SLC18A2: variants seen among roughly 807,000 people sequenced by gnomAD.
The protein encoded by SLC18A2 is solute carrier family 18 member A2, also known as synaptic vesicular amine transporter.
SLC18A2 carries 33 observed loss-of-function variants against 59.2 expected under a neutral mutation model. The observed-to-expected ratio is 0.56, with a 90% CI of 0.42 to 0.75. The LOEUF (loss-of-function observed/expected upper bound fraction) is 0.75. SLC18A2 is among the 30% of genes least tolerant of loss of function. The pLI, the probability that SLC18A2 is intolerant of heterozygous loss-of-function variation, is 0.00. For missense variants in SLC18A2, 569 were observed against 668.6 expected (o/e 0.85, Z 1.64); for synonymous variants, 228 against 253.5 (o/e 0.90, Z 0.95).
intron 3 of SLC18A2, 82 bp from the exon 4 acceptor site, chr10:117,253,317 G>T: frequency 7.9e-6 from 8 of 1,011,842 alleles, no homozygotes; most frequent in Non-Finnish European, 1.3e-5. Flanking sequence ...TGATCCCAAA[G>T]GGTAGCCAGG....
intron 15 of SLC18A2, among the ~76,000 whole-genome samples, chr10:117,273,544 GCT>G (rs1565010280): frequency 6.6e-6 from 1 of 152,206 alleles, no homozygotes; most frequent in Non-Finnish European, 1.5e-5. Flanking sequence ...TCCAGCAATA[GCT>G]CTGTTTTCTG....
chr10:117,251,830 C>T (rs1167538922), intron 3 of SLC18A2, among the ~76,000 whole-genome samples: 1 of 152,158 alleles, frequency 6.6e-6, no homozygotes, highest in Non-Finnish European at 1.5e-5. Flanking sequence ...GATATCATGC[C>T]TCAGTTTCCT....
rs1011759304 is a variant in SLC18A2, at chr10:117,279,188, T to C, written c.*1922T>C. On this transcript the variant is annotated 3_prime_UTR_variant, in exon 16 of 16. Transcript: ENST00000644641. ...GGGAAAAAAATTCTAAGTTCTTTTA[T>C]ATGACTAATATTCTTGGTTAGCAAG... is the stretch of plus-strand genomic sequence containing the variant. 1 of 152,208 alleles carries C rather than the reference T, an allele frequency of 6.6e-6. No homozygotes were observed. The highest frequency in any genetic ancestry group is 1.9e-4 in the East Asian group (1 of 5,200). The allele number at this position is 152,208 out of a possible 1,614,324, so 9.4% of individuals were successfully genotyped here.
chr10:117,272,639 A>G (rs1844440300), intron 15 of SLC18A2, among the ~76,000 whole-genome samples: 1 of 152,238 alleles, frequency 6.6e-6, no homozygotes, highest in Non-Finnish European at 1.5e-5. Context: ...ATAGGTTTCC[A>G]GGAAGCCACT....
In SLC18A2 at chr10:117,277,837, T is replaced by G. The variant is rs555179259; in HGVS notation, c.*571T>G. 1 of 152,356 alleles carries G rather than the reference T, an allele frequency of 6.6e-6. No individual in the cohort carries two copies. The highest frequency in any genetic ancestry group is 2.4e-5 in the African/African-American group (1 of 41,592). The allele number at this position is 152,356 out of a possible 1,614,324, so 9.4% of individuals were successfully genotyped here. On this transcript the variant is annotated 3_prime_UTR_variant, in exon 16 of 16. Coordinates refer to ENST00000644641, the MANE Select transcript of SLC18A2 (RefSeq NM_003054.6). ...AGGACAAGAACTTGTGTCAGTTATC[T>G]TTTGAATCCATAAATCTTAGCTGGC...
Position 117,254,141 on chromosome 10 carries a change from G to C in SLC18A2, c.607+10G>C. On this transcript the variant is annotated intron_variant, in intron 5 of 15. Coordinates refer to ENST00000644641, the MANE Select transcript of SLC18A2 (RefSeq NM_003054.6). ...TGCTCCTCTGTGGCTGGTAGGTGTG[G>C]AATGCCTGAGTGAGTTCGTGAGGGG... is the stretch of plus-strand genomic sequence containing the variant. The C allele has an allele frequency of 6.2e-7, 1 of 1,613,026 alleles. No individual in the cohort carries two copies. The highest frequency in any genetic ancestry group is 8.5e-7 in the Non-Finnish European group (1 of 1,179,834).
chr10:117,252,134 ATT>A lies in SLC18A2; in HGVS notation c.465-1237_465-1236del, dbSNP rs57101171. On this transcript the variant is annotated intron_variant, in intron 3 of 15. Transcript: ENST00000644641. Reference sequence around the variant, plus strand: ...CTACTATGCCTGACTCATTTTTTGTATTTTTTTTTTTTTTTTTTTTTTTTTTT... The same window carrying A: ...CTACTATGCCTGACTCATTTTTTGTATTTTTTTTTTTTTTTTTTTTTTTTT... Among the ~76,000 whole-genome samples, 109 of 44,342 alleles carry A rather than the reference ATT, an allele frequency of 2.5e-3. 1 individual carries two copies. Among genetic ancestry groups the A allele is most frequent in the African/African-American group, 4.2e-3 (60 of 14,268 alleles). 29.1% of individuals were successfully genotyped at this position (44,342 alleles called of 152,430 possible).
intron 9 of SLC18A2, among the ~76,000 whole-genome samples, chr10:117,256,821 T>A (rs550062736): frequency 6.6e-6 from 1 of 152,292 alleles, no homozygotes; most frequent in African/African-American, 2.4e-5. Context: ...GAAATGTGAC[T>A]TCCTGAACCT....
At chr10:117,251,905 A>G (rs910053676) in intron 3 of SLC18A2, among the ~76,000 whole-genome samples, 3 of 152,020 alleles carry the variant, frequency 2.0e-5, no homozygotes, top group African/African-American at 7.2e-5. Context: ...GGTGGGTGTA[A>G]ATGCTTGGAG....
At chr10:117,251,122 G>A (rs1341012548) in intron 3 of SLC18A2, among the ~76,000 whole-genome samples, 1 of 152,180 alleles carries the variant, frequency 6.6e-6, no homozygotes, top group Non-Finnish European at 1.5e-5. Context: ...CAAGAGTGAA[G>A]CCCCTAATTC....
chr10:117,257,386 T>C (rs1173324302), intron 9 of SLC18A2, among the ~76,000 whole-genome samples: 1 of 152,058 alleles, frequency 6.6e-6, no homozygotes, highest in Non-Finnish European at 1.5e-5. Flanking sequence ...CCCACGTATA[T>C]TGCACAGTAA....
chr10:117,261,225 A>AAAACAAAACAAAACAAAACAAAAC (rs71301596), intron 10 of SLC18A2, among the ~76,000 whole-genome samples: 110 of 150,912 alleles, frequency 7.3e-4, no homozygotes, highest in African/African-American at 2.6e-3. Context: ...CAAAACAAAA[A>AAAACAAAACAAAACAAAACAAAAC]ACCCAAAAAC....
intron 3 of SLC18A2, among the ~76,000 whole-genome samples, chr10:117,246,819 T>G (rs1352685282): frequency 6.6e-6 from 1 of 152,030 alleles, no homozygotes; most frequent in Non-Finnish European, 1.5e-5. Context: ...TGCCTGGCTA[T>G]TTTTTGTATT....
intron 12 of SLC18A2, 112 bp from the exon 13 acceptor site, chr10:117,267,561 C>A: frequency 1.4e-6 from 1 of 708,596 alleles, no homozygotes; most frequent in Non-Finnish European, 2.3e-6. Context: ...CTGTTTTCTT[C>A]AGAAGGGAAC....
rs1301259992 is a variant in SLC18A2, at chr10:117,270,154, A to G, written c.1270A>G (p.Ile424Val). 5 of 1,614,240 alleles carry G rather than the reference A, an allele frequency of 3.1e-6. No individual in the cohort carries two copies. The East Asian group carries it at 8.9e-5, about 29-fold the overall frequency. The change falls in exon 14 of 16, where the codon ATT becomes GTT. Residue 424 changes from isoleucine to valine, a missense_variant. Physicochemically the swap from Ile to Val is conservative, Grantham distance 29. This residue lies in a region of SLC18A2 where 192 missense variants were observed against 278.8 expected (regional missense o/e 0.69). Coordinates refer to ENST00000644641, the MANE Select transcript of SLC18A2 (RefSeq NM_003054.6). ...GTCCGTCTATGGGAGTGTGTACGCCATTGCGGATGTGGCATTTTGTATGGG... is the reference window on the plus strand; with the variant it reads ...GTCCGTCTATGGGAGTGTGTACGCCGTTGCGGATGTGGCATTTTGTATGGG... ...HVSVYGSVYA[I>V]ADVAFCMGYA...
chr10:117,267,617 A>G, intron 12 of SLC18A2, 56 bp from the exon 13 acceptor site: 1 of 1,334,942 alleles, frequency 7.5e-7, no homozygotes, highest in South Asian at 1.4e-5. Context: ...ACTTTCCGAG[A>G]TGATTTAGAG....
chr10:117,257,964 C>A, intron 10 of SLC18A2, 72 bp downstream of exon 10: 1 of 1,038,204 alleles, frequency 9.6e-7, no homozygotes, highest in Non-Finnish European at 1.4e-6. Context: ...CCAGGGCATC[C>A]CTGCTGAGTT....
chr10:117,255,549 G>C, intron 8 of SLC18A2, 27 bp downstream of exon 8: 1 of 1,614,140 alleles, frequency 6.2e-7, no homozygotes, highest in Non-Finnish European at 8.5e-7. Flanking sequence ...GAGGGCCCTG[G>C]GGGAGGGGGC....
rs1198748088 is a variant in SLC18A2, at chr10:117,241,671, G to T, written c.-15-8G>T. On this transcript the variant is annotated splice_region_variant and splice_polypyrimidine_tract_variant and intron_variant, in intron 1 of 15. Transcript: ENST00000644641. ...GCCTTGGGTCCTCACCGCGCACCGC[G>T]CCCGCAGCGGAGCCCCGGAGCCATG... 6.4e-7 allele frequency: 1 copy of T among 1,558,090 alleles called. No individual in the cohort carries two copies. Among genetic ancestry groups the T allele is most frequent in the East Asian group, 2.4e-5 (1 of 41,122 alleles).
Sources: gnomAD v4.1 joint callset for allele counts (sites outside exome capture counted in the v4.1 genomes callset) on GRCh38, gnomAD v4.1.1 for gene constraint, gnomAD v4.1.1 regional missense constraint, MANE v1.5 for transcripts, NCBI Gene and HGNC (gene_info 2026-07-23, HGNC 2026-07-21) for gene names.